The following BMI1 variants were observed in gnomAD, a reference collection of about 807,000 sequenced individuals.
BMI1 encodes the protein polycomb complex protein BMI-1.
A neutral mutation model predicts 39.1 loss-of-function variants in BMI1; 9 were observed. That is an observed-to-expected ratio of 0.23 (90% CI 0.14 to 0.40). BMI1 has a LOEUF of 0.40. Among genes scored for constraint, BMI1 ranks in the 10% least tolerant of loss-of-function variants. BMI1 has a pLI of 1.00. For synonymous variants in BMI1, 131 were observed against 127.9 expected (o/e 1.02, Z -0.16); for missense variants, 252 against 390.8 (o/e 0.64, Z 2.99).
chr10:22,326,345 T>C, intron 1 of BMI1, 86 bp from the exon 2 acceptor site: 1 of 1,553,010 alleles, frequency 6.4e-7, no homozygotes, highest in South Asian at 1.2e-5. Context: ...ATGAGTTTTA[T>C]AAATTCAGTG....
At chr10:22,322,026 CG>C (rs1836017085) in intron 1 of BMI1, 1 of 148,660 alleles carries the variant, frequency 6.7e-6, no homozygotes, top group Non-Finnish European at 1.5e-5. Context: ...CGCTCAGCCC[CG>C]GCGCGCCGCG....
chr10:22,323,280 A>G (rs1055384524), intron 1 of BMI1, among the ~76,000 whole-genome samples: 3 of 152,216 alleles, frequency 2.0e-5, no homozygotes, highest in African/African-American at 4.8e-5. Context: ...AAGTTTTTAG[A>G]TTTGAGTTAA....
chr10:22,326,811 A>G (rs1442376868), intron 2 of BMI1, 79 bp from the exon 3 acceptor site: 2 of 1,532,948 alleles, frequency 1.3e-6, no homozygotes, highest in African/African-American at 1.4e-5. Flanking sequence ...CTTGTTTTCT[A>G]CTAGTTCTGG....
chr10:22,328,058 G>T lies in BMI1; in HGVS notation c.425G>T (p.Arg142Ile). Residue 142 changes from arginine (R) to isoleucine (I), a missense_variant and splice_region_variant, in exon 6 of 10, where the codon AGA (arginine) becomes ATA (isoleucine). This residue lies in a region of BMI1 where 67 missense variants were observed against 69.9 expected (regional missense o/e 0.96). Coordinates refer to ENST00000376663, the MANE Select transcript of BMI1 (RefSeq NM_005180.9). The stretch of plus-strand genomic sequence containing the variant: ...TCCATTGAATTCTTTGACCAGAACA[G>T]GTAAAATCTTTAGGCAATTTATTTT... ...SLSIEFFDQN[R>I]LDRKVNKDKE... 1 of 1,598,682 alleles carries T rather than the reference G, an allele frequency of 6.3e-7. No homozygotes were observed. The highest frequency in any genetic ancestry group is 8.5e-7 in the Non-Finnish European group (1 of 1,175,770).
rs1411005321 is a variant in BMI1 at position 22,330,498 on chromosome 10, G to A, written c.*956G>A. The A allele has an allele frequency of 6.6e-6, 1 of 152,154 alleles. No homozygotes were observed. The highest frequency in any genetic ancestry group is 2.4e-5 in the African/African-American group (1 of 41,410). The allele number at this position is 152,154 out of a possible 1,614,324, so 9.4% of individuals were successfully genotyped here. The stretch of plus-strand genomic sequence containing the variant: ...TATATACTTTTCTCCAGTAATACAT[G>A]TTTACTTTAAAGATTGTTGCAGTGA... On this transcript the variant is annotated 3_prime_UTR_variant, in exon 10 of 10. Coordinates refer to ENST00000376663, the MANE Select transcript of BMI1 (RefSeq NM_005180.9).
chr10:22,321,838 C>CGGCCCCG (rs1253805152), intron 1 of BMI1, 142 bp downstream of exon 1: 1 of 143,366 alleles, frequency 7.0e-6, no homozygotes, highest in Non-Finnish European at 1.5e-5. Context: ...CGTGGGCGCC[C>CGGCCCCG]GGCCCCGCGC....
rs1421676386 is a variant in BMI1 at position 22,329,419 on chromosome 10, T to C, written c.858T>C (p.Phe286=). The part of the protein sequence containing the change: ...STPVQSPHPQ[F]PHISSTMNGT... ...CAGTGCAGTCTCCTCATCCACAGTT[T>C]CCTCACATTTCCAGTACTATGAATG... Residue 286 remains phenylalanine, a synonymous_variant, in exon 10 of 10, where the codon TTT becomes TTC. Coordinates refer to ENST00000376663, the MANE Select transcript of BMI1 (RefSeq NM_005180.9). The C allele has an allele frequency of 1.2e-6, 2 of 1,614,142 alleles. No homozygotes were observed. The highest frequency in any genetic ancestry group is 1.7e-6 in the Non-Finnish European group (2 of 1,180,020).
At chr10:22,322,233 C>T (rs1288102773) in intron 1 of BMI1, 2 of 152,116 alleles carry the variant, frequency 1.3e-5, no homozygotes, top group African/African-American at 2.4e-5. Flanking sequence ...CAAGTGGCTT[C>T]CCTCCTCTCC....
intron 8 of BMI1, 76 bp downstream of exon 8, chr10:22,328,774 A>G: frequency 6.9e-7 from 1 of 1,439,920 alleles, no homozygotes; most frequent in Admixed American, 2.5e-5. Flanking sequence ...TTGGATTTTG[A>G]ACCCAAAAAA....
chr10:22,327,466 CAAT>C, intron 3 of BMI1, 126 bp from the exon 4 acceptor site: 1 of 926,540 alleles, frequency 1.1e-6, no homozygotes, highest in Non-Finnish European at 1.6e-6. Context: ...TTTATCTTAT[CAAT>C]AATAGTTATA....
Position 22,321,434 on chromosome 10 carries a change from T to C in BMI1, c.-282T>C. 1.3e-5 allele frequency: 2 copies of C among 157,344 alleles called. No individual in the cohort carries two copies. Among genetic ancestry groups the C allele is most frequent in the South Asian group, 1.6e-4 (1 of 6,284 alleles). The allele number at this position is 157,344 out of a possible 1,614,324, so 9.7% of individuals were successfully genotyped here. On this transcript the variant is annotated 5_prime_UTR_variant, in exon 1 of 10. Coordinates refer to ENST00000376663, the MANE Select transcript of BMI1 (RefSeq NM_005180.9). ...GCCCCGGAGGAGGAGGCGTTGGAGG[T>C]CGAGGCGGAGGCGGAGGAGGAGGAG...
In BMI1 at chr10:22,327,846, G is replaced by A. The variant is rs200727365; in HGVS notation, c.316+54G>A. The A allele has an allele frequency of 5.0e-6, 8 of 1,605,750 alleles. No individual in the cohort carries two copies. The African/African-American group carries it at 9.4e-5, about 19-fold the overall frequency. ...TTATATGGGGGGAGAGCTTATCTAG[G>A]AATTAAAATGTATTAAAATTGACTT... On this transcript the variant is annotated intron_variant, in intron 5 of 9. Transcript: ENST00000376663.
In BMI1 at chr10:22,329,968, A is replaced by G. The variant is rs1489034113; in HGVS notation, c.*426A>G. The stretch of plus-strand genomic sequence containing the variant: ...TAGAAAACAAGTGCTTTTTATCTTG[A>G]AATTCAACCAACGGAAAGAATATGC... On this transcript the variant is annotated 3_prime_UTR_variant, in exon 10 of 10. Coordinates refer to ENST00000376663, the MANE Select transcript of BMI1 (RefSeq NM_005180.9). 1.2e-5 allele frequency: 2 copies of G among 165,348 alleles called. No individual in the cohort carries two copies. Among genetic ancestry groups the G allele is most frequent in the African/African-American group, 2.4e-5 (1 of 41,604 alleles). 10.2% of individuals were successfully genotyped at this position (165,348 alleles called of 1,614,324 possible). A position where few individuals can be genotyped will look rare whatever the true frequency, so the allele number is the denominator to read the frequency against.
intron 1 of BMI1, chr10:22,325,512 C>G (rs1053173606): frequency 6.6e-6 from 1 of 150,974 alleles, no homozygotes; most frequent in Non-Finnish European, 1.5e-5. Context: ...GGTCCCCGAT[C>G]CCCGCTCCCC....
In BMI1 at chr10:22,328,191, G is replaced by A; in HGVS notation, c.471+12G>A. 1 of 1,594,932 alleles carries A rather than the reference G, an allele frequency of 6.3e-7. No homozygotes were observed. Among genetic ancestry groups the A allele is most frequent in the Non-Finnish European group, 8.5e-7 (1 of 1,174,524 alleles). On this transcript the variant is annotated intron_variant, in intron 7 of 9. Coordinates refer to ENST00000376663, the MANE Select transcript of BMI1 (RefSeq NM_005180.9). The stretch of plus-strand genomic sequence containing the variant: ...AATCTAAGGAGGAGGTATGTTTCAT[G>A]TTACAAAAACATATAGAAGAAACAT...
chr10:22,326,216 G>A (rs1480314755), intron 1 of BMI1: 3 of 545,930 alleles, frequency 5.5e-6, no homozygotes, highest in African/African-American at 3.9e-5. Context: ...GGAATGATCT[G>A]AGAGACCAGA....
At chr10:22,328,815 A>G in intron 8 of BMI1, 117 bp downstream of exon 8, 1 of 1,146,784 alleles carries the variant, frequency 8.7e-7, no homozygotes, top group South Asian at 1.8e-5. Context: ...AGTTAGTGCT[A>G]AAGTTGAAAT....
At chr10:22,326,400 G>A (rs2132004710) in intron 1 of BMI1, 31 bp from the exon 2 acceptor site, 5 of 1,606,574 alleles carry the variant, frequency 3.1e-6, no homozygotes, top group Non-Finnish European at 2.5e-6. Context: ...CTTGTTCTGT[G>A]AATTATGGCC....
intron 5 of BMI1, 34 bp downstream of exon 5, chr10:22,327,826 T>C (rs758744806): frequency 1.9e-6 from 3 of 1,612,706 alleles, no homozygotes; most frequent in Non-Finnish European, 2.5e-6. Flanking sequence ...ACATTTTATA[T>C]GGGGGGAGAG....
Sources: allele counts gnomAD v4.1 joint callset (sites outside exome capture counted in the v4.1 genomes callset), GRCh38; gene constraint gnomAD v4.1.1; regional missense constraint gnomAD v4.1.1; transcripts MANE v1.5; gene names NCBI Gene and HGNC (gene_info 2026-07-23, HGNC 2026-07-21).